Variants in AP3B1 observed in about 807,000 individuals in gnomAD.
The protein encoded by AP3B1 is AP-3 complex subunit beta-1.
In AP3B1, 61 loss-of-function variants were observed where a neutral mutation model predicts 132.5. That is an observed-to-expected ratio of 0.46 (90% CI 0.37 to 0.57). The LOEUF is 0.57. Among genes scored for constraint, AP3B1 ranks in the 20% least tolerant of loss-of-function variants. AP3B1 has a pLI of 0.00. For synonymous variants in AP3B1, 388 were observed against 438.3 expected, an observed-to-expected ratio of 0.89 and a Z score of 1.43; for missense variants, 1,120 against 1,289.4, an observed-to-expected ratio of 0.87 and a Z score of 2.01.
intron 6 of AP3B1, among the ~76,000 whole-genome samples, chr5:78,220,678 CA>C (rs1481619255): frequency 6.7e-6 from 1 of 149,844 alleles, no homozygotes; most frequent in African/African-American, 2.5e-5. Flanking sequence ...GGGAAAGTTT[CA>C]CGGAGAAAAT....
At position 78,175,829 on chromosome 5, in the gene AP3B1, C is replaced by T. The variant is rs760881363; in HGVS notation, c.1050G>A (p.Gln350=). The T allele has an allele frequency of 9.3e-6, 15 of 1,610,058 alleles. No homozygotes were observed. In the East Asian group the frequency reaches 2.7e-4, roughly 29 times the overall value. ...VRLLRSNREV[Q]YIVLQNIATM... ...TTGCTATATTTTGTAGGACAATATACTGCACCTCCCTAGAAATCAAAAGAT... is the reference window on the plus strand; with the variant it reads ...TTGCTATATTTTGTAGGACAATATATTGCACCTCCCTAGAAATCAAAAGAT... Residue 350 remains glutamine, a synonymous_variant, in exon 10 of 27, where the codon CAG becomes CAA. Transcript: ENST00000255194.
At chr5:78,063,023 C>T (rs1749126519) in intron 22 of AP3B1, among the ~76,000 whole-genome samples, 1 of 152,208 alleles carries the variant, frequency 6.6e-6, no homozygotes, top group Non-Finnish European at 1.5e-5. Flanking sequence ...AAGTTATCAA[C>T]TGCCCACACC....
intron 7 of AP3B1, 29 bp downstream of exon 7, chr5:78,216,026 T>G (rs955031334): frequency 3.7e-6 from 6 of 1,612,412 alleles, no homozygotes; most frequent in Non-Finnish European, 5.1e-6. Context: ...CTTAGTATAC[T>G]TGAAAGTGGA....
intron 1 of AP3B1, among the ~76,000 whole-genome samples, chr5:78,273,012 C>CATACATACACACACATATATGTATGCAT (rs1561213756): frequency 6.7e-6 from 1 of 149,900 alleles, no homozygotes; most frequent in Non-Finnish European, 1.5e-5. Flanking sequence ...AGCTGAAATA[C>CATACATACACACACATATATGTATGCAT]ATACATATAC....
intron 20 of AP3B1, among the ~76,000 whole-genome samples, chr5:78,104,631 A>G (rs975070413): frequency 5.9e-5 from 9 of 152,134 alleles, no homozygotes; most frequent in African/African-American, 2.2e-4. Context: ...ACATAAAACC[A>G]ATCAAAAAAT....
At chr5:78,248,398 C>T (rs1311879888) in intron 2 of AP3B1, among the ~76,000 whole-genome samples, 1 of 143,632 alleles carries the variant, frequency 7.0e-6, no homozygotes, top group African/African-American at 2.6e-5. Context: ...GAGGCTGAGG[C>T]AGAAGAATCA....
intron 14 of AP3B1, among the ~76,000 whole-genome samples, chr5:78,148,105 TG>T (rs1753493307): frequency 6.6e-6 from 1 of 151,986 alleles, no homozygotes. Context: ...TCTGTATCCC[TG>T]GACATGAATA....
intron 6 of AP3B1, among the ~76,000 whole-genome samples, chr5:78,222,948 T>A (rs1312565508): frequency 6.6e-6 from 1 of 152,034 alleles, no homozygotes; most frequent in African/African-American, 2.4e-5. Flanking sequence ...TTTCTCTGCA[T>A]TCTGAGACTC....
intron 22 of AP3B1, among the ~76,000 whole-genome samples, chr5:78,076,566 A>G (rs866796898): frequency 3.3e-5 from 5 of 152,280 alleles, no homozygotes; most frequent in Middle Eastern, 3.4e-3. Flanking sequence ...TGCTAAGGAG[A>G]TAACTCAGGA....
At chr5:78,215,031 GTGATCAA>G (rs1745899141) in intron 7 of AP3B1, among the ~76,000 whole-genome samples, 1 of 151,940 alleles carries the variant, frequency 6.6e-6, no homozygotes, top group African/African-American at 2.4e-5. Flanking sequence ...ATAGAAAATA[GTGATCAA>G]CATTTTATAA....
chr5:78,236,169 GA>G (rs1746870819), intron 3 of AP3B1, among the ~76,000 whole-genome samples: 1 of 152,162 alleles, frequency 6.6e-6, no homozygotes. Flanking sequence ...ATTGTAAAGG[GA>G]AAATATGAGC....
At chr5:78,015,941 A>G (rs918255062) in intron 25 of AP3B1, 1 of 221,544 alleles carries the variant, frequency 4.5e-6, no homozygotes, top group Non-Finnish European at 8.9e-6. Flanking sequence ...ATTTTTTTCT[A>G]TTCATTCAAA....
chr5:78,289,553 T>C (rs562809818), intron 1 of AP3B1, among the ~76,000 whole-genome samples: 2 of 152,352 alleles, frequency 1.3e-5, no homozygotes, highest in Admixed American at 6.5e-5. Flanking sequence ...GCTAAGTTAC[T>C]GGCTGCTAAA....
chr5:78,116,121 C>A lies in AP3B1; in HGVS notation c.2077+5G>T. On this transcript the variant is annotated splice_donor_5th_base_variant and intron_variant, in intron 18 of 26. Transcript: ENST00000255194. ...TAATATATGCCAATAAATTATAAAA[C>A]CCACCACTGTCACTGCTACTATCAG... is the stretch of plus-strand genomic sequence containing the variant. 1 of 1,598,264 alleles carries A rather than the reference C, an allele frequency of 6.3e-7. No homozygotes were observed. The highest frequency in any genetic ancestry group is 8.6e-7 in the Non-Finnish European group (1 of 1,165,818).
chr5:78,026,005 T>A (rs913816161), intron 24 of AP3B1, among the ~76,000 whole-genome samples: 1 of 152,204 alleles, frequency 6.6e-6, no homozygotes, highest in Admixed American at 6.5e-5. Flanking sequence ...GTCCTCCAGT[T>A]TATAAGCATC....
intron 15 of AP3B1, among the ~76,000 whole-genome samples, chr5:78,133,099 T>G (rs887681044): frequency 1.3e-5 from 2 of 152,196 alleles, no homozygotes; most frequent in African/African-American, 4.8e-5. Context: ...TTCCACCCAC[T>G]GGCAGCCTGG....
rs780956781 is a variant in AP3B1, at chr5:78,100,913, T to TA, written c.2470+39dup. The TA allele has an allele frequency of 4.9e-6, 6 of 1,229,258 alleles. No individual in the cohort carries two copies. The South Asian group carries it at 8.2e-5, about 17-fold the overall frequency. The allele number at this position is 1,229,258 out of a possible 1,614,324, so 76.1% of individuals were successfully genotyped here. A position where few individuals can be genotyped will look rare whatever the true frequency, so the allele number is the denominator to read the frequency against. On this transcript the variant is annotated intron_variant, in intron 21 of 26. Transcript: ENST00000255194. ...GTACTATAAAAATAAAAAATACTCT[T>TA]ACTAAACACAGAAGAAATATTTTAA...
At chr5:78,122,517 T>C (rs944797737) in intron 17 of AP3B1, among the ~76,000 whole-genome samples, 2 of 152,180 alleles carry the variant, frequency 1.3e-5, no homozygotes, top group Non-Finnish European at 2.9e-5. Context: ...ACAAAATCAA[T>C]GTGCAAAAAT....
Position 78,002,408 on chromosome 5 carries a change from A to G in AP3B1, c.*494T>C, listed in dbSNP as rs1746224825. ...GTTATCAATAATCAATTACAATATC[A>G]AGAAATTCAAAGAACAAAATCTTGC... On this transcript the variant is annotated 3_prime_UTR_variant, in exon 27 of 27. Transcript: ENST00000255194. The G allele has an allele frequency of 2.5e-6, 1 of 398,826 alleles. No individual in the cohort carries two copies. The highest frequency in any genetic ancestry group is 4.4e-6 in the Non-Finnish European group (1 of 226,426). 24.7% of individuals were successfully genotyped at this position (398,826 alleles called of 1,614,324 possible).
Sources: gnomAD v4.1 joint callset for allele counts (sites outside exome capture counted in the v4.1 genomes callset) on GRCh38, gnomAD v4.1.1 for gene constraint, MANE v1.5 for transcripts, NCBI Gene and HGNC (gene_info 2026-07-23, HGNC 2026-07-21) for gene names.